WARS2: variants seen among roughly 807,000 people sequenced by gnomAD.
WARS2 encodes the protein tryptophanyl tRNA synthetase 2, mitochondrial, also known as tryptophan--tRNA ligase, mitochondrial.
WARS2 carries 28 observed loss-of-function variants against 36.5 expected under a neutral mutation model. That is an observed-to-expected ratio of 0.77 (90% confidence interval 0.57 to 1.05). WARS2 has a LOEUF of 1.05. Among genes scored for constraint, WARS2 ranks in the 50% least tolerant of loss-of-function variants. WARS2 has a pLI of 0.00. For missense variants in WARS2, 435 were observed against 456.8 expected (o/e 0.95, Z 0.44); for synonymous variants, 174 against 178.4 (o/e 0.98, Z 0.20).
Position 119,123,437 on chromosome 1 carries a change from T to C in WARS2, c.90+17118A>G, listed in dbSNP as rs587772833. Among the ~76,000 whole-genome samples the C allele has an allele frequency of 3.9e-5, 6 of 152,368 alleles. No individual in the cohort carries two copies. In the East Asian group the frequency reaches 7.7e-4, roughly 20 times the overall value. On this transcript the variant is annotated intron_variant, in intron 1 of 5. Transcript: ENST00000235521. ...ATACCCATCAAGCTATCTTACTTAA[T>C]AATTTGGCTTCCCAATTAAATCTGC...
At chr1:119,137,005 GT>G (rs974909608) in intron 1 of WARS2, among the ~76,000 whole-genome samples, 5 of 152,128 alleles carry the variant, frequency 3.3e-5, no homozygotes, top group Non-Finnish European at 4.4e-5. Flanking sequence ...CTCTTCAAAA[GT>G]GCCAAGGTCA....
chr1:119,076,623 A>G lies in WARS2; in HGVS notation c.91-16T>C, dbSNP rs929530494. ...TGCTGTCTTTCTGGAACAAAGGAAA[A>G]CAAGCATATTTGCTTTTGAGGCAGA... On this transcript the variant is annotated splice_polypyrimidine_tract_variant and intron_variant, in intron 1 of 5. Transcript: ENST00000235521. 6 of 1,613,396 alleles carry G rather than the reference A, an allele frequency of 3.7e-6. No individual in the cohort carries two copies. In the African/African-American group the frequency reaches 8.0e-5, roughly 22 times the overall value.
chr1:119,129,503 G>A (rs1033730466), intron 1 of WARS2, among the ~76,000 whole-genome samples: 1 of 152,120 alleles, frequency 6.6e-6, no homozygotes, highest in African/African-American at 2.4e-5. Context: ...GAGCCCAGGA[G>A]TTCGAGATCA....
intron 1 of WARS2, among the ~76,000 whole-genome samples, chr1:119,095,449 A>G (rs2101428427): frequency 6.6e-6 from 1 of 152,120 alleles, no homozygotes; most frequent in Non-Finnish European, 1.5e-5. Flanking sequence ...TTTGAGATGG[A>G]GTCTCACTCT....
At chr1:119,070,388 C>G (rs913238129) in intron 2 of WARS2, among the ~76,000 whole-genome samples, 3 of 152,012 alleles carry the variant, frequency 2.0e-5, no homozygotes, top group African/African-American at 7.2e-5. Flanking sequence ...CAGCCTCCCT[C>G]CCAAGTAGCT....
Position 119,135,747 on chromosome 1 carries a change from T to TAGATAGATAGATAGATAGAG in WARS2, c.90+4807_90+4808insCTCTATCTATCTATCTATCT, listed in dbSNP as rs1553183286. Among the ~76,000 whole-genome samples the TAGATAGATAGATAGATAGAG allele has an allele frequency of 7.8e-5, 9 of 115,876 alleles. No individual in the cohort carries two copies. In the East Asian group the frequency reaches 1.7e-3, roughly 22 times the overall value. The allele number at this position is 115,876 out of a possible 152,430, so 76.0% of individuals were successfully genotyped here. Reference sequence around the variant, plus strand: ...ATAGATAGATAGATAGATAGATAGATAGATAGAGAGATAGAGAGAGAGAGA... The same window carrying TAGATAGATAGATAGATAGAG: ...ATAGATAGATAGATAGATAGATAGATAGATAGATAGATAGATAGAGAGATAGAGAGATAGAGAGAGAGAGA... On this transcript the variant is annotated intron_variant, in intron 1 of 5. Coordinates refer to ENST00000235521, the MANE Select transcript of WARS2 (RefSeq NM_015836.4).
Position 119,033,911 on chromosome 1 carries a change from G to A in WARS2, c.634+184C>T, listed in dbSNP as rs376308366. ...TTTCAATAATCCAACATCTTTTTCA[G>A]GAATCCAACGTAGTCTACTTTCTAG... On this transcript the variant is annotated intron_variant, in intron 5 of 5. Coordinates refer to ENST00000235521, the MANE Select transcript of WARS2 (RefSeq NM_015836.4). Among the ~76,000 whole-genome samples the A allele has an allele frequency of 3.3e-5, 5 of 152,022 alleles. No homozygotes were observed. In the South Asian group the frequency reaches 1.0e-3, roughly 32 times the overall value.
chr1:119,122,305 C>T (rs587756405), intron 1 of WARS2, among the ~76,000 whole-genome samples: 2 of 152,236 alleles, frequency 1.3e-5, no homozygotes, highest in South Asian at 4.2e-4. Flanking sequence ...CTCAATATTA[C>T]TAATTATCAG....
At chr1:119,082,080 A>G (rs1652236736) in intron 1 of WARS2, among the ~76,000 whole-genome samples, 1 of 152,182 alleles carries the variant, frequency 6.6e-6, no homozygotes, top group Non-Finnish European at 1.5e-5. Context: ...TCACCTCCAA[A>G]TAAGAAAAAA....
At chr1:119,115,750 T>A (rs1248751936) in intron 1 of WARS2, among the ~76,000 whole-genome samples, 1 of 152,220 alleles carries the variant, frequency 6.6e-6, no homozygotes, top group East Asian at 1.9e-4. Context: ...GATCTTCTGG[T>A]TGAAAAGGAC....
chr1:119,121,685 A>G (rs961807759), intron 1 of WARS2, among the ~76,000 whole-genome samples: 3 of 152,186 alleles, frequency 2.0e-5, no homozygotes, highest in African/African-American at 4.8e-5. Flanking sequence ...GTACTAGTAT[A>G]AAAACAGGCA....
intron 1 of WARS2, among the ~76,000 whole-genome samples, chr1:119,123,502 T>C (rs929104677): frequency 3.3e-5 from 5 of 152,220 alleles, no homozygotes; most frequent in African/African-American, 4.8e-5. Flanking sequence ...AGAAAAGTAG[T>C]TGATACTCCT....
At chr1:119,132,771 T>A (rs757772127) in intron 1 of WARS2, among the ~76,000 whole-genome samples, 2 of 152,192 alleles carry the variant, frequency 1.3e-5, no homozygotes, top group Non-Finnish European at 2.9e-5. Context: ...TGTTCAATAT[T>A]GCTAATTTTA....
chr1:119,134,331 A>C (rs1285101964), intron 1 of WARS2, among the ~76,000 whole-genome samples: 1 of 151,024 alleles, frequency 6.6e-6, no homozygotes, highest in African/African-American at 2.4e-5. Flanking sequence ...AAAAAAAAAA[A>C]AAAAAAAAAA....
chr1:119,113,526 A>T (rs1654782442), intron 1 of WARS2, among the ~76,000 whole-genome samples: 1 of 152,032 alleles, frequency 6.6e-6, no homozygotes, highest in Admixed American at 6.6e-5. Flanking sequence ...TTGGCAGTAA[A>T]TTTTTTTTAA....
At chr1:119,117,580 G>A (rs1329636194) in intron 1 of WARS2, among the ~76,000 whole-genome samples, 1 of 152,202 alleles carries the variant, frequency 6.6e-6, no homozygotes, top group African/African-American at 2.4e-5. Context: ...TGGCTAACCA[G>A]AGGTCCTGAG....
rs2101091594 is a variant in WARS2, at chr1:119,032,355, T to A, written c.*556A>T. 1 of 152,672 alleles carries A rather than the reference T, an allele frequency of 6.5e-6. No homozygotes were observed. The highest frequency in any genetic ancestry group is 2.1e-4 in the South Asian group (1 of 4,836). 9.5% of individuals were successfully genotyped at this position (152,672 alleles called of 1,614,324 possible). A position where few individuals can be genotyped will look rare whatever the true frequency, so the allele number is the denominator to read the frequency against. On this transcript the variant is annotated 3_prime_UTR_variant, in exon 6 of 6. Transcript: ENST00000235521. ...CAAATTATTGCTGGAACAGTTGGTGTTATCTCTTGGAAAACAAGTTAAGCA... is the reference window on the plus strand; with the variant it reads ...CAAATTATTGCTGGAACAGTTGGTGATATCTCTTGGAAAACAAGTTAAGCA...
chr1:119,054,494 C>T (rs1194141740), intron 2 of WARS2, among the ~76,000 whole-genome samples: 1 of 152,056 alleles, frequency 6.6e-6, no homozygotes, highest in East Asian at 1.9e-4. Flanking sequence ...AATAGCATAG[C>T]GATCCCTCAG....
chr1:119,039,322 TA>T (rs769419791), intron 4 of WARS2, among the ~76,000 whole-genome samples: 3 of 152,156 alleles, frequency 2.0e-5, no homozygotes, highest in Non-Finnish European at 4.4e-5. Flanking sequence ...TGTTGTTGTT[TA>T]ATAAAAATTA....
Sources: allele counts gnomAD v4.1 joint callset (sites outside exome capture counted in the v4.1 genomes callset), GRCh38; gene constraint gnomAD v4.1.1; transcripts MANE v1.5; gene names NCBI Gene and HGNC (gene_info 2026-07-23, HGNC 2026-07-21).